Variants in MAP4K3 observed in about 807,000 individuals in gnomAD.
The protein encoded by MAP4K3 is mitogen-activated protein kinase kinase kinase kinase 3, also known as MAPK/ERK kinase kinase kinase 3.
A neutral mutation model predicts 143.5 loss-of-function variants in MAP4K3; 94 were observed. The ratio of observed to expected loss-of-function variants is 0.65; its 90% CI spans 0.55 to 0.78. MAP4K3 has a LOEUF of 0.78. MAP4K3 is among the 30% of genes least tolerant of loss of function. The probability of loss-of-function intolerance (pLI) is 0.00; values close to 1 mark genes in which losing one functional copy is unlikely to be tolerated. For missense variants in MAP4K3, 1,077 were observed against 1,068.1 expected (o/e 1.01, Z -0.12); for synonymous variants, 416 against 347.2 (o/e 1.20, Z -2.20).
Position 39,408,963 on chromosome 2 carries a change from T to C in MAP4K3, c.96+27929A>G, listed in dbSNP as rs146443051. ...GATTGGTACCATATAGAAACATTTT[T>C]AGAGAAATGAAAAAGCAAAAAAGCC... On this transcript the variant is annotated intron_variant, in intron 1 of 33. Transcript: ENST00000263881. Among the ~76,000 whole-genome samples, 116 of 152,296 alleles carry C rather than the reference T, an allele frequency of 7.6e-4. 1 individual carries two copies. Among genetic ancestry groups the C allele is most frequent in the African/African-American group, 2.6e-3 (107 of 41,564 alleles).
At chr2:39,260,168 C>T (rs972429702) in intron 29 of MAP4K3, among the ~76,000 whole-genome samples, 8 of 152,160 alleles carry the variant, frequency 5.3e-5, no homozygotes, top group African/African-American at 9.7e-5. Context: ...GGGTGGAGTA[C>T]AATGGTGCGA....
At chr2:39,283,051 A>G (rs1210407418) in intron 21 of MAP4K3, among the ~76,000 whole-genome samples, 1 of 152,254 alleles carries the variant, frequency 6.6e-6, no homozygotes, top group Admixed American at 6.5e-5. Flanking sequence ...ATTATTGTCA[A>G]TATTTTACTA....
intron 2 of MAP4K3, among the ~76,000 whole-genome samples, chr2:39,374,481 A>AT (rs1666166737): frequency 6.6e-6 from 1 of 152,118 alleles, no homozygotes; most frequent in Non-Finnish European, 1.5e-5. Flanking sequence ...CAGGAATTCA[A>AT]TACCAGCCTG....
At chr2:39,418,937 T>C (rs1205808509) in intron 1 of MAP4K3, among the ~76,000 whole-genome samples, 3 of 152,108 alleles carry the variant, frequency 2.0e-5, no homozygotes, top group Non-Finnish European at 4.4e-5. Flanking sequence ...GAAATCCAAA[T>C]AGACGGTGGA....
At chr2:39,355,359 CAAAAAAA>C (rs34355105) in intron 3 of MAP4K3, among the ~76,000 whole-genome samples, 3 of 34,548 alleles carry the variant, frequency 8.7e-5, no homozygotes, top group Admixed American at 3.2e-4. Flanking sequence ...GACTCCACCT[CAAAAAAA>C]AAAAAAAAAA....
chr2:39,289,197 T>C (rs1161904538), intron 19 of MAP4K3, among the ~76,000 whole-genome samples: 1 of 152,252 alleles, frequency 6.6e-6, no homozygotes, highest in African/African-American at 2.4e-5. Flanking sequence ...AACGTGTCTC[T>C]TATTATTGCT....
At chr2:39,278,806 G>T (rs765082211) in intron 23 of MAP4K3, among the ~76,000 whole-genome samples, 10 of 152,196 alleles carry the variant, frequency 6.6e-5, no homozygotes, top group Non-Finnish European at 1.5e-4. Flanking sequence ...CTAAAGACAG[G>T]ATCATGTGCA....
At chr2:39,354,893 G>C (rs903291852) in intron 3 of MAP4K3, among the ~76,000 whole-genome samples, 1 of 152,170 alleles carries the variant, frequency 6.6e-6, no homozygotes, top group African/African-American at 2.4e-5. Flanking sequence ...CCTGCAATAA[G>C]TTACAGTATG....
At chr2:39,307,819 A>G (rs1463683601) in intron 15 of MAP4K3, 124 bp downstream of exon 15, 1 of 598,834 alleles carries the variant, frequency 1.7e-6, no homozygotes, top group Non-Finnish European at 2.7e-6. Flanking sequence ...CTTAATATAT[A>G]GAAGTTTGCT....
intron 2 of MAP4K3, among the ~76,000 whole-genome samples, chr2:39,360,006 T>A (rs1288251938): frequency 6.6e-6 from 1 of 152,238 alleles, no homozygotes; most frequent in African/African-American, 2.4e-5. Flanking sequence ...TGGCTCCTTG[T>A]TACTTATGTA....
chr2:39,347,737 A>C (rs1265910060), intron 3 of MAP4K3, among the ~76,000 whole-genome samples: 1 of 152,074 alleles, frequency 6.6e-6, no homozygotes, highest in Non-Finnish European at 1.5e-5. Context: ...TAAATAAATA[A>C]ATTTTTTTCT....
chr2:39,257,190 A>G (rs1680374167), intron 31 of MAP4K3, among the ~76,000 whole-genome samples: 1 of 152,212 alleles, frequency 6.6e-6, no homozygotes, highest in Non-Finnish European at 1.5e-5. Flanking sequence ...CACCAGAAAA[A>G]GTGTGCCTAG....
At chr2:39,346,466 C>T (rs562208464) in intron 3 of MAP4K3, among the ~76,000 whole-genome samples, 41 of 152,240 alleles carry the variant, frequency 2.7e-4, no homozygotes, top group Non-Finnish European at 5.4e-4. Context: ...TTGTTTTTGA[C>T]AGGTGTCTTA....
At chr2:39,342,161 C>G (rs1665162053) in intron 4 of MAP4K3, among the ~76,000 whole-genome samples, 1 of 150,004 alleles carries the variant, frequency 6.7e-6, no homozygotes, top group African/African-American at 2.4e-5. Flanking sequence ...TATTTTGAGA[C>G]AGAGTCTCGT....
chr2:39,358,989 T>C (rs1156477133), intron 2 of MAP4K3, among the ~76,000 whole-genome samples: 1 of 152,164 alleles, frequency 6.6e-6, no homozygotes, highest in Non-Finnish European at 1.5e-5. Context: ...GTCACAATCA[T>C]GTCTTTCCAA....
intron 15 of MAP4K3, among the ~76,000 whole-genome samples, chr2:39,307,355 A>G (rs932597149): frequency 1.3e-5 from 2 of 152,124 alleles, no homozygotes; most frequent in African/African-American, 4.8e-5. Flanking sequence ...AACTTCAGGA[A>G]TGCTTTATAA....
rs34783806 is a variant in MAP4K3, at chr2:39,429,064, C to CAAA, written c.96+7825_96+7827dup. ...TGGGCGACAGAGCGAGACTCCGTCT[C>CAAA]AAAAAAAAAAAAAAAAAAAAAAAAA... is the stretch of plus-strand genomic sequence containing the variant. On this transcript the variant is annotated intron_variant, in intron 1 of 33. Coordinates refer to ENST00000263881, the MANE Select transcript of MAP4K3 (RefSeq NM_003618.4). 7.5e-3 allele frequency among the ~76,000 whole-genome samples: 446 copies of CAAA among 59,340 alleles called. 17 individuals carry two copies. Among genetic ancestry groups the CAAA allele is most frequent in the Middle Eastern group, 0.023 (1 of 44 alleles). The allele number at this position is 59,340 out of a possible 152,430, so 38.9% of individuals were successfully genotyped here.
rs978943988 is a variant in MAP4K3 at position 39,392,895 on chromosome 2, C to A, written c.97-14772G>T. On this transcript the variant is annotated intron_variant, in intron 1 of 33. Coordinates refer to ENST00000263881, the MANE Select transcript of MAP4K3 (RefSeq NM_003618.4). Reference sequence around the variant, plus strand: ...ATCGCCATGCTCTTGGACTTTCCAGCCTCCAAAACTGTGAGCCAAATAAAT... The same window carrying A: ...ATCGCCATGCTCTTGGACTTTCCAGACTCCAAAACTGTGAGCCAAATAAAT... Among the ~76,000 whole-genome samples the A allele has an allele frequency of 2.6e-5, 4 of 152,176 alleles. No homozygotes were observed. In the South Asian group the frequency reaches 8.3e-4, roughly 32 times the overall value.
rs539940940 is a variant in MAP4K3 at position 39,321,496 on chromosome 2, T to C, written c.918+4022A>G. Among the ~76,000 whole-genome samples the C allele has an allele frequency of 2.6e-5, 4 of 152,278 alleles. No individual in the cohort carries two copies. The East Asian group carries it at 7.7e-4, about 29-fold the overall frequency. ...CTCCGCCTAGGAAAGCCAGGTATTG[T>C]CCAAGGTTTCTCCCCATGTGATAGT... On this transcript the variant is annotated intron_variant, in intron 12 of 33. Transcript: ENST00000263881.
Sources: allele counts gnomAD v4.1 joint callset (sites outside exome capture counted in the v4.1 genomes callset), GRCh38; gene constraint gnomAD v4.1.1; transcripts MANE v1.5; gene names NCBI Gene and HGNC (gene_info 2026-07-23, HGNC 2026-07-21).